Variants in SLCO1B3 observed in about 807,000 individuals in gnomAD.
SLCO1B3 encodes the protein solute carrier organic anion transporter family member 1B3.
SLCO1B3 carries 72 observed loss-of-function variants against 71.8 expected under a neutral mutation model. That is an observed-to-expected ratio of 1.00 (90% CI 0.83 to 1.22). The LOEUF (loss-of-function observed/expected upper bound fraction) is 1.22, where lower values mean the gene tolerates loss of function less well. Ranked by LOEUF, SLCO1B3 falls within the 50% of genes most tolerant of loss-of-function variation. SLCO1B3 has a pLI of 0.00. For synonymous variants in SLCO1B3, 298 were observed against 278.4 expected, an observed-to-expected ratio of 1.07 and a Z score of -0.70; for missense variants, 911 against 819.7, an observed-to-expected ratio of 1.11 and a Z score of -1.36.
intron 8 of SLCO1B3, among the ~76,000 whole-genome samples, chr12:20,870,852 T>A (rs1865461652): frequency 6.6e-6 from 1 of 152,198 alleles, no homozygotes; most frequent in Admixed American, 6.5e-5. Flanking sequence ...TTTGAGTAGG[T>A]ATGTTCCTTC....
At chr12:20,851,933 G>A (rs985051611) in intron 3 of SLCO1B3, among the ~76,000 whole-genome samples, 4 of 152,142 alleles carry the variant, frequency 2.6e-5, no homozygotes, top group African/African-American at 9.7e-5. Flanking sequence ...CTGTCATGCA[G>A]TGTTGGCACC....
chr12:20,857,891 A>G (rs1190219146), intron 4 of SLCO1B3, among the ~76,000 whole-genome samples: 1 of 152,114 alleles, frequency 6.6e-6, no homozygotes, highest in Non-Finnish European at 1.5e-5. Flanking sequence ...CATCTCAAAT[A>G]ATGTATCCTC....
intron 8 of SLCO1B3, among the ~76,000 whole-genome samples, chr12:20,871,691 T>G (rs1457106556): frequency 6.6e-6 from 1 of 152,126 alleles, no homozygotes; most frequent in Non-Finnish European, 1.5e-5. Flanking sequence ...GCAGAGACTC[T>G]TGTTCTCTTC....
Position 20,858,547 on chromosome 12 carries a change from C to T in SLCO1B3, c.335C>T (p.Ser112Phe). The T allele has an allele frequency of 6.2e-7, 1 of 1,605,828 alleles. No homozygotes were observed. The highest frequency in any genetic ancestry group is 8.5e-7 in the Non-Finnish European group (1 of 1,172,754). The change falls in exon 5 of 16, where the codon TCT (serine) becomes TTT (phenylalanine). Residue 112 changes from serine to phenylalanine, a missense_variant. Transcript: ENST00000381545. ...LLMGTGSILT[S>F]LPHFFMGYYR... ...ATGGGAACTGGAAGTATTTTGACAT[C>T]TTTACCACATTTCTTCATGGGATAG...
At chr12:20,846,158 CATTTACT>C (rs1189761868) in intron 3 of SLCO1B3, among the ~76,000 whole-genome samples, 1 of 151,932 alleles carries the variant, frequency 6.6e-6, no homozygotes, top group Non-Finnish European at 1.5e-5. Context: ...ACTATATTTT[CATTTACT>C]ATGACATTGT....
At chr12:20,821,365 C>T (rs1009320928) in intron 3 of SLCO1B3, among the ~76,000 whole-genome samples, 66 of 151,928 alleles carry the variant, frequency 4.3e-4, no homozygotes, top group East Asian at 7.7e-4. Context: ...AGAAAAAAGA[C>T]GCTTAGATTT....
rs755946165 is a variant in SLCO1B3 at position 20,875,451 on chromosome 12, GA to G, written c.950del (p.Asn317MetfsTer6). Reference protein sequence around the residue: ...RNQTANLTNQGKNVTKNVTGF... With the variant: ...RNQTANLTNQXKNVTKNVTGF... ...CAAACAGCTAATTTGACCAACCAAG[GA>G]AAAAATGTTACCAAAAATGTGACTG... On this transcript the variant is annotated frameshift_variant, in exon 9 of 16. Coordinates refer to ENST00000381545, the MANE Select transcript of SLCO1B3 (RefSeq NM_019844.4). LOFTEE classifies it high-confidence loss of function. 5 of 1,598,020 alleles carry G rather than the reference GA, an allele frequency of 3.1e-6. No homozygotes were observed. The highest frequency in any genetic ancestry group is 1.1e-5 in the South Asian group (1 of 87,222).
chr12:20,843,025 A>T (rs1046002638), intron 3 of SLCO1B3, among the ~76,000 whole-genome samples: 4 of 152,138 alleles, frequency 2.6e-5, no homozygotes, highest in Non-Finnish European at 4.4e-5. Context: ...GAACTGTGAC[A>T]AGTAAATTTC....
intron 15 of SLCO1B3, among the ~76,000 whole-genome samples, 159 bp from the exon 16 acceptor site, chr12:20,915,845 T>C (rs1866481908): frequency 6.6e-6 from 1 of 152,152 alleles, no homozygotes; most frequent in Non-Finnish European, 1.5e-5. Flanking sequence ...AAAAATATCT[T>C]ATGCCCCCAA....
At chr12:20,879,205 CTTTTTT>C (rs4149166) in intron 10 of SLCO1B3, among the ~76,000 whole-genome samples, 2 of 95,208 alleles carry the variant, frequency 2.1e-5, no homozygotes, top group African/African-American at 3.9e-5. Flanking sequence ...ACCCTTCTCT[CTTTTTT>C]TTTTTTTTTT....
At chr12:20,873,307 C>A (rs1229784103) in intron 8 of SLCO1B3, among the ~76,000 whole-genome samples, 2 of 152,108 alleles carry the variant, frequency 1.3e-5, no homozygotes, top group African/African-American at 4.8e-5. Flanking sequence ...TGGTCCAAAT[C>A]TTTGTTTCCC....
chr12:20,816,561 TTG>T (rs1377835254), intron 3 of SLCO1B3, among the ~76,000 whole-genome samples: 1 of 152,236 alleles, frequency 6.6e-6, no homozygotes, highest in Non-Finnish European at 1.5e-5. Flanking sequence ...TAGTACTCCA[TTG>T]TGTATATGTC....
intron 3 of SLCO1B3, among the ~76,000 whole-genome samples, chr12:20,829,302 G>A (rs1591747819): frequency 6.6e-6 from 1 of 152,326 alleles, no homozygotes; most frequent in East Asian, 1.9e-4. Flanking sequence ...CTACTGCCTA[G>A]GAATGGGGCC....
intron 3 of SLCO1B3, among the ~76,000 whole-genome samples, chr12:20,827,050 CTTG>C (rs768036779): frequency 2.0e-5 from 3 of 152,090 alleles, no homozygotes; most frequent in South Asian, 2.1e-4. Flanking sequence ...TAACTTTTTT[CTTG>C]TTGTTGTTTT....
chr12:20,898,272 T>C (rs1304655264), intron 13 of SLCO1B3, among the ~76,000 whole-genome samples, 164 bp from the exon 14 acceptor site: 1 of 152,198 alleles, frequency 6.6e-6, no homozygotes, highest in Admixed American at 6.5e-5. Context: ...CTCAGGTGTT[T>C]ACCTTTTAAA....
chr12:20,834,963 C>G (rs1048941731), intron 3 of SLCO1B3, among the ~76,000 whole-genome samples: 10 of 152,294 alleles, frequency 6.6e-5, no homozygotes, highest in African/African-American at 2.4e-4. Context: ...TGAAGCACAC[C>G]TCTGCCTGAC....
chr12:20,848,856 G>A (rs1864965581), intron 3 of SLCO1B3, among the ~76,000 whole-genome samples: 2 of 152,100 alleles, frequency 1.3e-5, no homozygotes, highest in South Asian at 4.1e-4. Context: ...AAGAAACAGT[G>A]CAGAGGATTT....
intron 3 of SLCO1B3, among the ~76,000 whole-genome samples, chr12:20,828,646 T>TACACACACAC (rs142800781): frequency 5.4e-4 from 81 of 149,682 alleles, no homozygotes; most frequent in Non-Finnish European, 8.0e-4. Context: ...CACACACACA[T>TACACACACAC]ACACACACAC....
intron 15 of SLCO1B3, chr12:20,901,850 AT>A (rs1236782647): frequency 2.3e-6 from 1 of 426,396 alleles, no homozygotes; most frequent in Non-Finnish European, 4.6e-6. Context: ...TTATATGGTA[AT>A]TGAGGAAAGA....
Sources: gnomAD v4.1 joint callset for allele counts (sites outside exome capture counted in the v4.1 genomes callset) on GRCh38, gnomAD v4.1.1 for gene constraint, MANE v1.5 for transcripts, NCBI Gene and HGNC (gene_info 2026-07-23, HGNC 2026-07-21) for gene names.